The following SAMD8 variants were observed in gnomAD, a reference collection of about 807,000 sequenced individuals.
SAMD8 encodes the protein sterile alpha motif domain containing 8.
Under a neutral mutation model 42.0 loss-of-function variants are expected in SAMD8, and 20 were observed. The observed-to-expected ratio is 0.48, with a 90% CI of 0.34 to 0.69. SAMD8 has a LOEUF of 0.69. Ranked by LOEUF, SAMD8 falls within the 30% of genes least tolerant of loss-of-function variation. SAMD8 has a pLI of 0.01. For synonymous variants in SAMD8, 162 were observed against 173.0 expected (o/e 0.94, Z 0.50); for missense variants, 328 against 511.6 (o/e 0.64, Z 3.46).
intron 1 of SAMD8, among the ~76,000 whole-genome samples, chr10:75,115,993 T>G (rs957256462): frequency 2.0e-5 from 3 of 151,574 alleles, no homozygotes; most frequent in Non-Finnish European, 2.9e-5. Flanking sequence ...GTTATAATAG[T>G]TTCACCACAG....
chr10:75,105,613 T>G, intron 1 of SAMD8: 1 of 1,504,304 alleles, frequency 6.6e-7, no homozygotes, highest in Non-Finnish European at 9.0e-7. Context: ...GGCCCTCACC[T>G]GGCCTCTTCC....
intron 2 of SAMD8, among the ~76,000 whole-genome samples, chr10:75,161,025 G>T (rs551138255): frequency 6.6e-6 from 1 of 151,990 alleles, no homozygotes; most frequent in Admixed American, 6.6e-5. Flanking sequence ...CCGCGATTGC[G>T]CCACTGTACT....
chr10:75,112,096 G>A (rs946437298), intron 1 of SAMD8, among the ~76,000 whole-genome samples: 6 of 152,208 alleles, frequency 3.9e-5, no homozygotes, highest in Non-Finnish European at 8.8e-5. Context: ...CAGCGGGGAT[G>A]AGGAGTCAGA....
In SAMD8 at chr10:75,164,587, G is replaced by T. The variant is rs927939884; in HGVS notation, c.579-58G>T. 2.5e-6 allele frequency: 4 copies of T among 1,575,850 alleles called. No homozygotes were observed. The African/African-American group carries it at 5.4e-5, about 21-fold the overall frequency. On this transcript the variant is annotated intron_variant, in intron 2 of 5. Transcript: ENST00000542569. Reference sequence around the variant, plus strand: ...TATTAAAAGAGCACCTTACTGAAAAGGGTGGCATCATTCACATGTATACTT... The same window carrying T: ...TATTAAAAGAGCACCTTACTGAAAATGGTGGCATCATTCACATGTATACTT...
intron 1 of SAMD8, among the ~76,000 whole-genome samples, chr10:75,126,175 C>G (rs944984514): frequency 1.9e-4 from 29 of 152,124 alleles, no homozygotes; most frequent in Non-Finnish European, 3.1e-4. Flanking sequence ...AATTTTACTA[C>G]TCCTTTAACG....
upstream of SAMD8, among the ~76,000 whole-genome samples, chr10:75,107,607 C>T (rs1052026546): frequency 1.3e-5 from 2 of 151,754 alleles, no homozygotes; most frequent in African/African-American, 2.4e-5. Flanking sequence ...GATGGAGTTT[C>T]GCCCTTTTGC....
chr10:75,174,352 A>G (rs1564697722), intron 4 of SAMD8, among the ~76,000 whole-genome samples: 1 of 151,252 alleles, frequency 6.6e-6, no homozygotes, highest in African/African-American at 2.4e-5. Flanking sequence ...GATGGTCTCA[A>G]TCTCCTGACC....
At chr10:75,101,992 C>G in intron 1 of SAMD8, 3 of 1,357,052 alleles carry the variant, frequency 2.2e-6, no homozygotes, top group Non-Finnish European at 3.0e-6. Flanking sequence ...AATTATAAAG[C>G]ATGCTGTCTA....
intron 4 of SAMD8, among the ~76,000 whole-genome samples, chr10:75,169,212 C>T (rs1019432826): frequency 7.3e-6 from 1 of 137,222 alleles, no homozygotes; most frequent in Non-Finnish European, 1.5e-5. Context: ...TTTGGCCGGG[C>T]GCAGTGGCTC....
chr10:75,126,615 C>T (rs1196998070), intron 1 of SAMD8, among the ~76,000 whole-genome samples: 4 of 151,232 alleles, frequency 2.6e-5, no homozygotes, highest in Non-Finnish European at 5.9e-5. Context: ...GGTCTTCCCA[C>T]CTTGGCCTCC....
chr10:75,173,441 C>G (rs1165981750), intron 4 of SAMD8, among the ~76,000 whole-genome samples: 1 of 152,096 alleles, frequency 6.6e-6, no homozygotes, highest in Non-Finnish European at 1.5e-5. Flanking sequence ...TCATTCTGCT[C>G]CGTTGTGTTT....
At chr10:75,132,175 T>G (rs568040972) in intron 1 of SAMD8, among the ~76,000 whole-genome samples, 1 of 152,340 alleles carries the variant, frequency 6.6e-6, no homozygotes, top group South Asian at 2.1e-4. Flanking sequence ...TACTCTCTGC[T>G]CTGTGGCACT....
At chr10:75,161,413 C>T (rs1466798715) in intron 2 of SAMD8, among the ~76,000 whole-genome samples, 18 of 151,974 alleles carry the variant, frequency 1.2e-4, no homozygotes, top group Admixed American at 1.1e-3. Flanking sequence ...CTCTGCGCAC[C>T]CTGAGTGCGC....
intron 1 of SAMD8, among the ~76,000 whole-genome samples, chr10:75,121,564 G>A (rs2134427680): frequency 1.3e-5 from 2 of 152,290 alleles, no homozygotes; most frequent in South Asian, 4.1e-4. Context: ...ACATCACACT[G>A]TTAATGGGTC....
chr10:75,163,581 C>T (rs763607524), intron 2 of SAMD8, among the ~76,000 whole-genome samples: 11 of 152,020 alleles, frequency 7.2e-5, no homozygotes, highest in Admixed American at 5.9e-4. Flanking sequence ...CTTACAGGCG[C>T]GCAGCACCGC....
At chr10:75,123,225 T>G (rs1849048435) in intron 1 of SAMD8, among the ~76,000 whole-genome samples, 1 of 123,804 alleles carries the variant, frequency 8.1e-6, no homozygotes, top group Admixed American at 9.5e-5. Flanking sequence ...TGCAGGGGGT[T>G]GGGCGGGTAA....
chr10:75,101,776 T>TCC, intron 1 of SAMD8: 1 of 394,860 alleles, frequency 2.5e-6, no homozygotes. Context: ...ACCCCACCCC[T>TCC]CCCCACACAG....
chr10:75,112,197 C>T (rs954837305), intron 1 of SAMD8, among the ~76,000 whole-genome samples: 1 of 152,104 alleles, frequency 6.6e-6, no homozygotes, highest in African/African-American at 2.4e-5. Context: ...TCTCCTCTTA[C>T]GGAGCCCTCT....
chr10:75,133,774 G>C (rs770394858), intron 1 of SAMD8, among the ~76,000 whole-genome samples: 19 of 152,232 alleles, frequency 1.2e-4, no homozygotes, highest in Admixed American at 2.0e-4. Flanking sequence ...TCTTGTAGAA[G>C]TAGAAAGTAG....
Sources: allele counts gnomAD v4.1 joint callset (sites outside exome capture counted in the v4.1 genomes callset), GRCh38; gene constraint gnomAD v4.1.1; transcripts MANE v1.5; gene names NCBI Gene and HGNC (gene_info 2026-07-23, HGNC 2026-07-21).